Variants in PRDM11 observed in about 807,000 individuals in gnomAD.
PRDM11 encodes PR domain-containing protein 11.
In PRDM11, 20 loss-of-function variants were observed where a neutral mutation model predicts 97.8. The ratio of observed to expected loss-of-function variants is 0.20; its 90% CI spans 0.14 to 0.30. The LOEUF (loss-of-function observed/expected upper bound fraction) is 0.30, where lower values mean the gene tolerates loss of function less well. PRDM11 is among the 10% of genes least tolerant of loss of function. The pLI is 1.00. For synonymous variants in PRDM11, 599 were observed against 637.7 expected, an observed-to-expected ratio of 0.94 and a Z score of 0.91; for missense variants, 1,139 against 1,555.2, an observed-to-expected ratio of 0.73 and a Z score of 4.50.
intron 1 of PRDM11, among the ~76,000 whole-genome samples, chr11:45,135,358 G>T (rs1852819328): frequency 6.6e-6 from 1 of 152,078 alleles, no homozygotes; most frequent in African/African-American, 2.4e-5. Flanking sequence ...TAAAAGGAAG[G>T]CACAAAGTAA....
At position 45,115,140 on chromosome 11, in the gene PRDM11, CAT is replaced by C. The variant is rs1491345762; in HGVS notation, c.96+19240_96+19241del. Among the ~76,000 whole-genome samples, 9 of 118,434 alleles carry C rather than the reference CAT, an allele frequency of 7.6e-5. No individual in the cohort carries two copies. In the East Asian group the frequency reaches 8.5e-4, roughly 11 times the overall value. The allele number at this position is 118,434 out of a possible 152,430, so 77.7% of individuals were successfully genotyped here. ...ATTATGGAGCTCATAATGTATATAG[CAT>C]GTGTGTGTGTGTGTGTGTGTATGTC... is the stretch of plus-strand genomic sequence containing the variant. On this transcript the variant is annotated intron_variant, in intron 1 of 6. Transcript: ENST00000530656.
intron 6 of PRDM11, among the ~76,000 whole-genome samples, chr11:45,222,711 C>T (rs1854153148): frequency 6.6e-6 from 1 of 152,188 alleles, no homozygotes; most frequent in African/African-American, 2.4e-5. Flanking sequence ...GCACAGCACC[C>T]ATACCAGCTA....
chr11:45,146,976 G>A (rs1851525177), intron 1 of PRDM11, 99 bp downstream of exon 1: 1 of 145,928 alleles, frequency 6.9e-6, no homozygotes, highest in African/African-American at 2.5e-5. Context: ...GCGGGGGCCG[G>A]GAGCGGCGGC....
At chr11:45,123,749 C>T (rs1852498659) in intron 1 of PRDM11, among the ~76,000 whole-genome samples, 1 of 151,444 alleles carries the variant, frequency 6.6e-6, no homozygotes. Context: ...TTACTGTAGC[C>T]TTGTAGTATA....
chr11:45,184,449 G>A (rs1233189623), intron 4 of PRDM11, among the ~76,000 whole-genome samples: 1 of 152,198 alleles, frequency 6.6e-6, no homozygotes, highest in Non-Finnish European at 1.5e-5. Context: ...GAGCGTGTGG[G>A]AGTTCTGTAG....
Position 45,172,474 on chromosome 11 carries a change from G to T in PRDM11, c.-6-9287G>T, listed in dbSNP as rs779574104. 7.2e-5 allele frequency among the ~76,000 whole-genome samples: 11 copies of T among 152,226 alleles called. No homozygotes were observed. In the South Asian group the frequency reaches 1.5e-3, roughly 20 times the overall value. On this transcript the variant is annotated intron_variant, in intron 1 of 7. Coordinates refer to ENST00000683152, the MANE Select transcript of PRDM11 (RefSeq NM_001384648.1). ...TTAGCATAAACTCAGGTATGATCCG[G>T]TGGGGCTCCTTATGAAGCACCAAAG... is the stretch of plus-strand genomic sequence containing the variant.
At chr11:45,182,379 C>T (rs1301385996) in intron 3 of PRDM11, 30 bp downstream of exon 3, 1 of 1,579,588 alleles carries the variant, frequency 6.3e-7, no homozygotes, top group Non-Finnish European at 8.7e-7. Context: ...CTGGGCTGCT[C>T]CTCCCTTCAC....
intron 5 of PRDM11, chr11:45,212,488 G>A (rs980127458): frequency 2.8e-5 from 12 of 421,962 alleles, no homozygotes; most frequent in South Asian, 1.4e-4. Flanking sequence ...ATGAGGAGGC[G>A]CCTGGGCCCT....
chr11:45,151,700 T>G (rs1368183074), intron 1 of PRDM11, among the ~76,000 whole-genome samples: 1 of 152,184 alleles, frequency 6.6e-6, no homozygotes, highest in African/African-American at 2.4e-5. Flanking sequence ...CCACTGACTA[T>G]AAGTCAGGGA....
chr11:45,140,652 A>G (rs984527104), intron 1 of PRDM11, among the ~76,000 whole-genome samples: 3 of 152,064 alleles, frequency 2.0e-5, no homozygotes, highest in Admixed American at 6.5e-5. Flanking sequence ...CCTGGAGCTT[A>G]TCTGTCTCAT....
intron 1 of PRDM11, among the ~76,000 whole-genome samples, chr11:45,174,928 T>C (rs890934174): frequency 6.6e-6 from 1 of 152,216 alleles, no homozygotes; most frequent in Non-Finnish European, 1.5e-5. Context: ...AAATTAAAAG[T>C]GTTTTAATGG....
rs1234257738 is a variant in PRDM11, at chr11:45,183,097, A to G, written c.460A>G (p.Lys154Glu). ...TGAGGGGCAGATCTCCACCCAGGAC[A>G]AATCAGCTGGCTTCTTCTCCTGGCT... is the stretch of plus-strand genomic sequence containing the variant. Reference protein sequence around the residue: ...PYEGQISTQDKSAGFFSWLIV... With the variant: ...PYEGQISTQDESAGFFSWLIV... The change falls in exon 4 of 8, where the codon AAA becomes GAA. Residue 154 changes from lysine (K) to glutamate (E), a missense_variant. Lys to Glu is a moderately conservative substitution (Grantham distance 56, BLOSUM62 1). This residue lies in a region of PRDM11 where 429 missense variants were observed against 510.3 expected (regional missense o/e 0.84). Transcript: ENST00000683152. 1 of 1,613,584 alleles carries G rather than the reference A, an allele frequency of 6.2e-7. No homozygotes were observed. Among genetic ancestry groups the G allele is most frequent in the Non-Finnish European group, 8.5e-7 (1 of 1,179,794 alleles).
intron 1 of PRDM11, among the ~76,000 whole-genome samples, chr11:45,154,766 C>T (rs911260334): frequency 1.3e-5 from 2 of 152,184 alleles, no homozygotes; most frequent in East Asian, 1.9e-4. Context: ...GGCAGGTTGG[C>T]TCTTAAAACC....
At position 45,224,495 on chromosome 11, in the gene PRDM11, G is replaced by A. The variant is rs1323975198; in HGVS notation, c.1021G>A (p.Ala341Thr). 51 of 1,614,036 alleles carry A rather than the reference G, an allele frequency of 3.2e-5. No individual in the cohort carries two copies. Among genetic ancestry groups the A allele is most frequent in the South Asian group, 9.9e-5 (9 of 91,076 alleles). ...IRKVPKYQDD[A>T]YSQCATTMTH... Reference sequence around the variant, plus strand: ...GAAAGTCCCCAAATACCAGGATGACGCCTACAGTCAGTGTGCAACAACAAT... The same window carrying A: ...GAAAGTCCCCAAATACCAGGATGACACCTACAGTCAGTGTGCAACAACAAT... The change falls in exon 7 of 8, where the codon GCC becomes ACC. Residue 341 changes from alanine (A) to threonine (T), a missense_variant. By Grantham distance (58) the Ala-to-Thr change is moderately conservative. Around this residue, in one of 2 missense-constraint regions of PRDM11, gnomAD observed 429 missense variants for 510.3 expected, o/e 0.84. Transcript: ENST00000683152.
Position 45,227,830 on chromosome 11 carries a change from C to T in PRDM11, c.3205C>T (p.Pro1069Ser), listed in dbSNP as rs1247805276. ...SHICKYKQRF[P>S]LLNKIIQVLK... ...CATTTGCAAGTACAAACAGAGGTTT[C>T]CACTCTTGAACAAGATCATCCAGGT... Residue 1069 changes from proline (P) to serine (S), a missense_variant, in exon 8 of 8, where the codon CCA becomes TCA. Transcript: ENST00000683152. The surrounding 1 kb of genome is among the most constrained non-coding windows in gnomAD (Gnocchi z 8.0). 6.5e-7 allele frequency: 1 copy of T among 1,533,788 alleles called. No homozygotes were observed.
At chr11:45,174,137 G>GT (rs997457003) in intron 1 of PRDM11, among the ~76,000 whole-genome samples, 61 of 152,252 alleles carry the variant, frequency 4.0e-4, no homozygotes, top group African/African-American at 1.5e-3. Flanking sequence ...GAATCATACA[G>GT]TATGAGTCTG....
chr11:45,181,831 T>C lies in PRDM11; in HGVS notation c.65T>C (p.Val22Ala), dbSNP rs199791880. Residue 22 changes from valine (V) to alanine (A), a missense_variant, in exon 2 of 8, where the codon GTG (valine) becomes GCG (alanine). By Grantham distance (64) the Val-to-Ala change is moderately conservative. Transcript: ENST00000683152. ...TNAAVGDMVT[V>A]VKTEVCSPLR... is the part of the protein sequence containing the mutation. ...GCAGCCGTGGGGGATATGGTGACGGTGGTGAAGACGGAGGTCTGCTCACCA... is the reference window on the plus strand; with the variant it reads ...GCAGCCGTGGGGGATATGGTGACGGCGGTGAAGACGGAGGTCTGCTCACCA... 2.4e-4 allele frequency: 381 copies of C among 1,613,216 alleles called. 1 individual carries two copies. In the East Asian group the frequency reaches 2.5e-3, roughly 11 times the overall value.
chr11:45,189,982 C>T (rs1389969959), intron 4 of PRDM11, among the ~76,000 whole-genome samples: 1 of 152,160 alleles, frequency 6.6e-6, no homozygotes, highest in Non-Finnish European at 1.5e-5. Context: ...AATTTCTACT[C>T]TTTATTTTGA....
chr11:45,112,541 T>C (rs1852205509), intron 1 of PRDM11, among the ~76,000 whole-genome samples: 1 of 152,230 alleles, frequency 6.6e-6, no homozygotes, highest in South Asian at 2.1e-4. Context: ...TTGTACTAAT[T>C]TACATTCTCA....
Sources: allele counts gnomAD v4.1 joint callset (sites outside exome capture counted in the v4.1 genomes callset), GRCh38; gene constraint gnomAD v4.1.1; regional missense constraint gnomAD v4.1.1; non-coding constraint Gnocchi (gnomAD v3.1); transcripts MANE v1.5; gene names NCBI Gene and HGNC (gene_info 2026-07-23, HGNC 2026-07-21).